CNTN3: variants seen among roughly 807,000 people sequenced by gnomAD.
The protein encoded by CNTN3 is contactin-3.
CNTN3 carries 60 observed loss-of-function variants against 119.1 expected under a neutral mutation model. The observed-to-expected ratio is 0.50, with a 90% CI of 0.41 to 0.62. The LOEUF is 0.62. CNTN3 is among the 20% of genes least tolerant of loss of function. The pLI is 0.00. For missense variants in CNTN3, 1,101 were observed against 1,242.4 expected, an observed-to-expected ratio of 0.89 and a Z score of 1.71; for synonymous variants, 450 against 438.7, an observed-to-expected ratio of 1.03 and a Z score of -0.32.
chr3:74,572,166 T>C (rs1028568195), intron 1 of CNTN3, among the ~76,000 whole-genome samples: 4 of 152,242 alleles, frequency 2.6e-5, no homozygotes, highest in Non-Finnish European at 2.9e-5. Context: ...GTAAGTTCTC[T>C]TCTGTACTAC....
chr3:74,388,046 C>T (rs978394156), intron 5 of CNTN3, among the ~76,000 whole-genome samples: 2 of 152,132 alleles, frequency 1.3e-5, no homozygotes, highest in African/African-American at 4.8e-5. Context: ...CATAGTAGCC[C>T]TCCCGGCTGA....
intron 4 of CNTN3, among the ~76,000 whole-genome samples, chr3:74,478,165 A>C (rs1271998232): frequency 6.6e-6 from 1 of 152,200 alleles, no homozygotes; most frequent in Admixed American, 6.6e-5. Context: ...ATCATGGAGA[A>C]AGATGACTTT....
At chr3:74,585,587 GTAA>G in intron 1 of CNTN3, among the ~76,000 whole-genome samples, 1 of 152,054 alleles carries the variant, frequency 6.6e-6, no homozygotes, top group Admixed American at 6.5e-5. Flanking sequence ...ATCTTATAAA[GTAA>G]TATCGATCTT....
At chr3:74,343,913 A>G (rs902517880) in intron 11 of CNTN3, among the ~76,000 whole-genome samples, 1 of 151,938 alleles carries the variant, frequency 6.6e-6, no homozygotes, top group Non-Finnish European at 1.5e-5. Context: ...TGTCCATTGG[A>G]CTCTCCCTCT....
chr3:74,541,483 T>C (rs541881679), intron 1 of CNTN3, among the ~76,000 whole-genome samples: 13 of 151,926 alleles, frequency 8.6e-5, no homozygotes, highest in African/African-American at 2.7e-4. Flanking sequence ...AAAAGTACAC[T>C]GCAGAAGAAT....
intron 8 of CNTN3, among the ~76,000 whole-genome samples, chr3:74,366,190 G>C (rs1231563472): frequency 6.6e-6 from 1 of 152,010 alleles, no homozygotes; most frequent in Non-Finnish European, 1.5e-5. Context: ...CCACAAGTTA[G>C]AAATAACTTA....
chr3:74,454,434 C>T (rs1462835831), intron 4 of CNTN3, among the ~76,000 whole-genome samples: 2 of 151,446 alleles, frequency 1.3e-5, no homozygotes, highest in African/African-American at 2.4e-5. Flanking sequence ...TTCCTGAATA[C>T]AACACACTGA....
chr3:74,295,922 G>A (rs568946273), intron 18 of CNTN3, among the ~76,000 whole-genome samples: 1 of 152,244 alleles, frequency 6.6e-6, no homozygotes, highest in African/African-American at 2.4e-5. Flanking sequence ...GATCTTGCTT[G>A]ATGCTAAGAC....
intron 1 of CNTN3, among the ~76,000 whole-genome samples, chr3:74,610,102 C>A (rs1428554858): frequency 6.6e-6 from 1 of 151,946 alleles, no homozygotes; most frequent in Non-Finnish European, 1.5e-5. Flanking sequence ...GTGGGCAGAT[C>A]GTTTGAGTTC....
At chr3:74,595,014 T>C (rs568703488) in intron 1 of CNTN3, among the ~76,000 whole-genome samples, 25 of 152,272 alleles carry the variant, frequency 1.6e-4, no homozygotes, top group Non-Finnish European at 2.5e-4. Flanking sequence ...TGGTATCTCA[T>C]TGTGGTTTTG....
At chr3:74,349,579 C>T (rs768401787) in intron 11 of CNTN3, among the ~76,000 whole-genome samples, 1 of 152,162 alleles carries the variant, frequency 6.6e-6, no homozygotes, top group African/African-American at 2.4e-5. Flanking sequence ...AACTCTTGTA[C>T]TGCAACTTGA....
At chr3:74,297,859 A>G in intron 18 of CNTN3, 98 bp downstream of exon 18, 1 of 850,036 alleles carries the variant, frequency 1.2e-6, no homozygotes, top group South Asian at 1.7e-5. Flanking sequence ...GTTCTTTGGA[A>G]TAAATATATT....
intron 11 of CNTN3, among the ~76,000 whole-genome samples, chr3:74,347,569 T>C (rs1355662216): frequency 6.6e-6 from 1 of 152,220 alleles, no homozygotes; most frequent in Non-Finnish European, 1.5e-5. Flanking sequence ...ATGTACCATA[T>C]AATGATAGTT....
chr3:74,572,333 G>T (rs1704347081), intron 1 of CNTN3, among the ~76,000 whole-genome samples: 1 of 152,132 alleles, frequency 6.6e-6, no homozygotes, highest in East Asian at 1.9e-4. Flanking sequence ...TGAAGAAGGA[G>T]GCACAGCCCA....
At chr3:74,590,294 T>C (rs1282893137) in intron 1 of CNTN3, among the ~76,000 whole-genome samples, 1 of 151,976 alleles carries the variant, frequency 6.6e-6, no homozygotes. Context: ...AAGTATACTT[T>C]CCAATTCAGG....
chr3:74,560,691 T>C (rs1704139233), intron 1 of CNTN3, among the ~76,000 whole-genome samples: 6 of 152,054 alleles, frequency 3.9e-5, no homozygotes. Flanking sequence ...CCCAAAGGAA[T>C]ATAAATCATA....
At chr3:74,504,276 C>T (rs1025343092) in intron 2 of CNTN3, among the ~76,000 whole-genome samples, 1 of 152,060 alleles carries the variant, frequency 6.6e-6, no homozygotes, top group African/African-American at 2.4e-5. Flanking sequence ...GTAGGCAATG[C>T]AATTAAAGAC....
chr3:74,594,606 T>A (rs1289720486), intron 1 of CNTN3, among the ~76,000 whole-genome samples: 1 of 152,178 alleles, frequency 6.6e-6, no homozygotes, highest in African/African-American at 2.4e-5. Flanking sequence ...TTCATCCATG[T>A]CCCTACAAAG....
At chr3:74,610,958 A>G (rs1705070163) in intron 1 of CNTN3, among the ~76,000 whole-genome samples, 1 of 152,244 alleles carries the variant, frequency 6.6e-6, no homozygotes, top group African/African-American at 2.4e-5. Flanking sequence ...AATATAATCA[A>G]GCAGTTTTGA....
Sources: gnomAD v4.1 joint callset for allele counts (sites outside exome capture counted in the v4.1 genomes callset) on GRCh38, gnomAD v4.1.1 for gene constraint, MANE v1.5 for transcripts, NCBI Gene and HGNC (gene_info 2026-07-23, HGNC 2026-07-21) for gene names.